The following PCDH11X variants were observed in gnomAD, a reference collection of about 807,000 sequenced individuals.
PCDH11X encodes the protein protocadherin 11 X-linked.
A neutral mutation model predicts 53.3 loss-of-function variants in PCDH11X; 18 were observed. The ratio of observed to expected loss-of-function variants is 0.34; its 90% confidence interval spans 0.23 to 0.50. The LOEUF is 0.50. Among genes scored for constraint, PCDH11X ranks in the 20% least tolerant of loss-of-function variants. The probability of loss-of-function intolerance (pLI) is 0.98; values close to 1 mark genes in which losing one functional copy is unlikely to be tolerated. For synonymous variants in PCDH11X, 279 were observed against 393.3 expected (o/e 0.71, Z 3.44); for missense variants, 570 against 1,032.4 (o/e 0.55, Z 6.14).
chrX:92,580,596 GA>G (rs995559322), intron 10 of PCDH11X, among the ~76,000 whole-genome samples: 1 of 110,282 alleles, frequency 9.1e-6, no homozygotes, highest in East Asian at 2.9e-4. Context: ...CACAGGCCGG[GA>G]AAAAAAAGCC....
At chrX:91,799,839 A>G (rs1314823191) in intron 1 of PCDH11X, among the ~76,000 whole-genome samples, 2 of 112,010 alleles carry the variant, frequency 1.8e-5, no homozygotes, top group South Asian at 3.7e-4. Context: ...AATTGATCCC[A>G]GCACTTTGGG....
At chrX:92,580,578 C>T (rs1249784167) in intron 10 of PCDH11X, among the ~76,000 whole-genome samples, 2 of 110,499 alleles carry the variant, frequency 1.8e-5, no homozygotes, top group Non-Finnish European at 3.8e-5. Flanking sequence ...GCAGCCCAGT[C>T]TCCCTCTCAC....
intron 6 of PCDH11X, among the ~76,000 whole-genome samples, chrX:92,132,671 A>G (rs1603015669): frequency 1.9e-5 from 1 of 53,605 alleles, no homozygotes; most frequent in East Asian, 1.3e-3. Context: ...ATATATATGT[A>G]TATGTATATA....
At chrX:92,009,700 C>CTTTTTTTTTTTTTTTTTTT (rs68159170) in intron 6 of PCDH11X, among the ~76,000 whole-genome samples, 1 of 66,640 alleles carries the variant, frequency 1.5e-5, no homozygotes, top group African/African-American at 5.6e-5. Context: ...TGACTGTTGC[C>CTTTTTTTTTTTTTTTTTTT]TTTTTTTTTT....
chrX:91,888,162 G>A (rs1940318764), intron 6 of PCDH11X, among the ~76,000 whole-genome samples: 1 of 111,123 alleles, frequency 9.0e-6, no homozygotes, highest in Non-Finnish European at 1.9e-5. Flanking sequence ...TTTTTGTCAA[G>A]TGAAAAAAAT....
intron 6 of PCDH11X, among the ~76,000 whole-genome samples, chrX:92,089,326 T>A (rs1352098462): frequency 1.8e-5 from 2 of 111,461 alleles, no homozygotes; most frequent in African/African-American, 6.5e-5. Flanking sequence ...GTCTAATCTG[T>A]GTAGATGTTA....
intron 6 of PCDH11X, among the ~76,000 whole-genome samples, chrX:92,097,504 A>AT (rs894621200): frequency 9.1e-6 from 1 of 109,819 alleles, no homozygotes; most frequent in African/African-American, 3.3e-5. Flanking sequence ...AATATATTTT[A>AT]TTTTTTTCTT....
At chrX:92,461,541 A>G (rs1603335874) in intron 9 of PCDH11X, among the ~76,000 whole-genome samples, 1 of 112,204 alleles carries the variant, frequency 8.9e-6, no homozygotes, top group Admixed American at 9.5e-5. Context: ...ATCTCTTGCT[A>G]TATACAAAAA....
chrX:92,160,165 T>C (rs2065615684), intron 6 of PCDH11X, among the ~76,000 whole-genome samples: 1 of 109,930 alleles, frequency 9.1e-6, no homozygotes, highest in Admixed American at 9.8e-5. Context: ...TCTTTTTTTT[T>C]TAATTTCCAT....
intron 8 of PCDH11X, among the ~76,000 whole-genome samples, chrX:92,311,319 A>G (rs1357592375): frequency 2.7e-5 from 3 of 109,560 alleles, no homozygotes; most frequent in Non-Finnish European, 3.8e-5. Context: ...GCACTAGTTA[A>G]TTGTCAGTGT....
At chrX:92,392,345 T>C (rs2071149046) in intron 9 of PCDH11X, among the ~76,000 whole-genome samples, 1 of 110,887 alleles carries the variant, frequency 9.0e-6, no homozygotes, top group Admixed American at 9.7e-5. Context: ...GGTTAGCAAA[T>C]CTGTTTGACA....
chrX:91,930,986 A>T (rs954992431), intron 6 of PCDH11X, among the ~76,000 whole-genome samples: 4 of 110,803 alleles, frequency 3.6e-5, no homozygotes, highest in African/African-American at 1.3e-4. Flanking sequence ...ACTATGTAAG[A>T]TTTAAAAGCA....
chrX:91,915,686 A>C, intron 6 of PCDH11X, among the ~76,000 whole-genome samples: 1 of 111,633 alleles, frequency 9.0e-6, no homozygotes, highest in Non-Finnish European at 1.9e-5. Flanking sequence ...AAATTTATAA[A>C]ACAATTACTA....
intron 6 of PCDH11X, among the ~76,000 whole-genome samples, chrX:92,076,836 A>G (rs2063780341): frequency 8.9e-6 from 1 of 112,389 alleles, no homozygotes; most frequent in East Asian, 2.8e-4. Context: ...GGCACCAAAA[A>G]TACATAAAAA....
intron 9 of PCDH11X, among the ~76,000 whole-genome samples, chrX:92,441,566 C>T (rs1012680471): frequency 8.9e-6 from 1 of 112,201 alleles, no homozygotes; most frequent in African/African-American, 3.2e-5. Context: ...GCCTTGGTAG[C>T]TTTCACTTGT....
chrX:91,944,597 A>C (rs747633781), intron 6 of PCDH11X, among the ~76,000 whole-genome samples: 1 of 108,320 alleles, frequency 9.2e-6, no homozygotes, highest in African/African-American at 3.3e-5. Context: ...CTATCTGTAG[A>C]AAGTAGGCTG....
At chrX:92,617,319 G>A (rs1928084998) in intron 10 of PCDH11X, among the ~76,000 whole-genome samples, 1 of 111,464 alleles carries the variant, frequency 9.0e-6, no homozygotes, top group Non-Finnish European at 1.9e-5. Context: ...TTTCCATCAA[G>A]TTCTAAGGAG....
At chrX:92,518,487 T>G (rs2148713523) in intron 10 of PCDH11X, among the ~76,000 whole-genome samples, 1 of 111,851 alleles carries the variant, frequency 8.9e-6, no homozygotes, top group African/African-American at 3.2e-5. Context: ...CTGAGTCAAT[T>G]TATCTTCTTG....
At chrX:91,899,386 T>G (rs1202130317) in intron 6 of PCDH11X, among the ~76,000 whole-genome samples, 1 of 110,966 alleles carries the variant, frequency 9.0e-6, no homozygotes, top group Non-Finnish European at 1.9e-5. Context: ...CTGATTAGAT[T>G]GTGTCCACCG....
Sources: allele counts gnomAD v4.1 joint callset (sites outside exome capture counted in the v4.1 genomes callset), GRCh38; gene constraint gnomAD v4.1.1; transcripts MANE v1.5; gene names NCBI Gene and HGNC (gene_info 2026-07-23, HGNC 2026-07-21).